The following NNT variants were observed in gnomAD, a reference collection of about 807,000 sequenced individuals.
The protein encoded by NNT is NAD(P) transhydrogenase, mitochondrial.
A neutral mutation model predicts 104.8 loss-of-function variants in NNT; 50 were observed. The ratio of observed to expected loss-of-function variants is 0.48; its 90% CI spans 0.38 to 0.60. The LOEUF (loss-of-function observed/expected upper bound fraction) is 0.60. NNT is among the 20% of genes least tolerant of loss of function. The pLI is 0.00. For synonymous variants in NNT, 461 were observed against 490.4 expected (o/e 0.94, Z 0.79); for missense variants, 1,131 against 1,330.7 (o/e 0.85, Z 2.33).
intron 6 of NNT, among the ~76,000 whole-genome samples, chr5:43,627,024 G>T (rs1381096006): frequency 6.6e-6 from 1 of 152,144 alleles, no homozygotes; most frequent in African/African-American, 2.4e-5. Flanking sequence ...ATTAGAAAAT[G>T]TATTATTTCT....
At chr5:43,648,918 A>G (rs1035823375) in intron 10 of NNT, among the ~76,000 whole-genome samples, 2 of 152,208 alleles carry the variant, frequency 1.3e-5, no homozygotes, top group Non-Finnish European at 2.9e-5. Context: ...AAATATTACT[A>G]GATCTTTATA....
chr5:43,693,042 A>C, intron 19 of NNT, among the ~76,000 whole-genome samples: 1 of 148,040 alleles, frequency 6.8e-6, no homozygotes, highest in African/African-American at 2.5e-5. Context: ...AGCTTTATTT[A>C]TTTTTTTTTT....
chr5:43,651,773 G>A lies in NNT; in HGVS notation c.1752G>A (p.Met584Ile), dbSNP rs1580046894. The change falls in exon 13 of 22, where the codon ATG (methionine) becomes ATA (isoleucine). Residue 584 changes from methionine (M) to isoleucine (I), a missense_variant. Transcript: ENST00000344920. Reference protein sequence around the residue: ...GFLVTQRMLDMFKRPTDPPEY... With the variant: ...GFLVTQRMLDIFKRPTDPPEY... Reference sequence around the variant, plus strand: ...TGGTGACTCAGAGAATGCTGGACATGTTCAAGCGTCCCACTGACCCCCCAG... The same window carrying A: ...TGGTGACTCAGAGAATGCTGGACATATTCAAGCGTCCCACTGACCCCCCAG... The A allele has an allele frequency of 6.2e-7, 1 of 1,614,050 alleles. No individual in the cohort carries two copies. Among genetic ancestry groups the A allele is most frequent in the East Asian group, 2.2e-5 (1 of 44,872 alleles).
chr5:43,627,269 C>T (rs1053827859), intron 6 of NNT, among the ~76,000 whole-genome samples: 17 of 152,212 alleles, frequency 1.1e-4, no homozygotes, highest in African/African-American at 3.6e-4. Flanking sequence ...ACTGTATGTC[C>T]TACCCTTTAT....
chr5:43,704,401 G>A lies in NNT; in HGVS notation c.3258G>A (p.Lys1086=). The change falls in exon 22 of 22, where the codon AAG becomes AAA. Residue 1086 remains lysine, a synonymous_variant. Transcript: ENST00000344920. The part of the protein sequence containing the change: ...LQAKVRESYQ[K] ...CGAAAGTTAGAGAATCCTATCAGAA[G>A]TAAATATTAAGGATCAAGCTGTTAG... The A allele has an allele frequency of 6.2e-7, 1 of 1,613,506 alleles. No homozygotes were observed. Among genetic ancestry groups the A allele is most frequent in the Non-Finnish European group, 8.5e-7 (1 of 1,179,594 alleles).
chr5:43,650,415 C>A, intron 11 of NNT, 62 bp from the exon 12 acceptor site: 1 of 1,191,734 alleles, frequency 8.4e-7, no homozygotes, highest in Non-Finnish European at 1.3e-6. Flanking sequence ...GGTACTTCAG[C>A]TATGATATTT....
At chr5:43,648,260 G>A (rs1189228017) in intron 10 of NNT, 1 of 1,020,312 alleles carries the variant, frequency 9.8e-7, no homozygotes, top group Non-Finnish European at 1.2e-6. Context: ...ATATTCCAGT[G>A]GTGCCACTTC....
At chr5:43,647,187 T>G (rs1739494005) in intron 10 of NNT, among the ~76,000 whole-genome samples, 1 of 152,190 alleles carries the variant, frequency 6.6e-6, no homozygotes. Context: ...AGAGTAAGTC[T>G]CAGCAAAATG....
chr5:43,669,189 A>G (rs1421176222), intron 17 of NNT, among the ~76,000 whole-genome samples: 4 of 152,072 alleles, frequency 2.6e-5, no homozygotes, highest in Non-Finnish European at 5.9e-5. Flanking sequence ...GGCTGAGACA[A>G]TGGGGTTTTC....
chr5:43,626,534 G>A (rs997519083), intron 6 of NNT, among the ~76,000 whole-genome samples: 2 of 151,896 alleles, frequency 1.3e-5, no homozygotes, highest in African/African-American at 4.8e-5. Context: ...ATGCTAATAT[G>A]TTATAATGTT....
chr5:43,603,713 G>T (rs1446426800), intron 1 of NNT, among the ~76,000 whole-genome samples: 1 of 152,104 alleles, frequency 6.6e-6, no homozygotes, highest in African/African-American at 2.4e-5. Flanking sequence ...GGTCATAGAG[G>T]ACTTTCGATG....
At chr5:43,683,111 A>G (rs1021300285) in intron 19 of NNT, among the ~76,000 whole-genome samples, 9 of 152,214 alleles carry the variant, frequency 5.9e-5, no homozygotes, top group Non-Finnish European at 2.9e-5. Context: ...GTTTCTTTGC[A>G]CTTTGCATTG....
chr5:43,615,627 GCCC>G (rs901932262), intron 3 of NNT, among the ~76,000 whole-genome samples: 4 of 152,124 alleles, frequency 2.6e-5, no homozygotes, highest in Admixed American at 6.5e-5. Context: ...AGGTGTGTGT[GCCC>G]TTTACTCAGA....
At chr5:43,651,059 A>AT (rs1739731275) in intron 12 of NNT, among the ~76,000 whole-genome samples, 2 of 152,216 alleles carry the variant, frequency 1.3e-5, no homozygotes, top group East Asian at 1.9e-4. Context: ...TTGATATGGT[A>AT]TTTTTTTCTT....
intron 17 of NNT, among the ~76,000 whole-genome samples, chr5:43,667,545 G>A (rs1214143211): frequency 3.9e-5 from 6 of 152,032 alleles, no homozygotes; most frequent in Admixed American, 3.9e-4. Flanking sequence ...GCGATAGTTT[G>A]CTGAGAATGA....
At chr5:43,679,210 A>G (rs903671057) in intron 19 of NNT, among the ~76,000 whole-genome samples, 1 of 152,236 alleles carries the variant, frequency 6.6e-6, no homozygotes, top group Non-Finnish European at 1.5e-5. Flanking sequence ...AGTGAAAATG[A>G]TATGTTAAAC....
chr5:43,627,092 C>T (rs950370039), intron 6 of NNT, among the ~76,000 whole-genome samples: 3 of 152,118 alleles, frequency 2.0e-5, no homozygotes, highest in South Asian at 2.1e-4. Context: ...GATGCTCCTC[C>T]GTGCTATCAA....
At chr5:43,674,513 G>A (rs546158091) in intron 17 of NNT, among the ~76,000 whole-genome samples, 4 of 152,108 alleles carry the variant, frequency 2.6e-5, no homozygotes, top group South Asian at 2.1e-4. Context: ...GTTGTATAAC[G>A]AAGCAATAAT....
At chr5:43,677,928 A>T in intron 19 of NNT, 122 bp downstream of exon 19, 1 of 718,738 alleles carries the variant, frequency 1.4e-6, no homozygotes, top group Non-Finnish European at 2.4e-6. Flanking sequence ...TACAATTAAA[A>T]ATCCATATAT....
Sources: gnomAD v4.1 joint callset for allele counts (sites outside exome capture counted in the v4.1 genomes callset) on GRCh38, gnomAD v4.1.1 for gene constraint, MANE v1.5 for transcripts, NCBI Gene and HGNC (gene_info 2026-07-23, HGNC 2026-07-21) for gene names.